Variants in SLC38A6 observed in about 807,000 individuals in gnomAD.
The protein encoded by SLC38A6 is solute carrier family 38 member 6, also known as N system amino acid transporter NAT-1.
A neutral mutation model predicts 65.0 loss-of-function variants in SLC38A6; 73 were observed. That is an observed-to-expected ratio of 1.12 (90% CI 0.93 to 1.37). The LOEUF is 1.37. Among genes scored for constraint, SLC38A6 ranks in the 40% most tolerant of loss-of-function variants. The pLI is 0.00. For synonymous variants in SLC38A6, 183 were observed against 178.8 expected (o/e 1.02, Z -0.19); for missense variants, 561 against 531.1 (o/e 1.06, Z -0.55).
At chr14:60,984,500 TGG>T (rs2037307628) in intron 2 of SLC38A6, among the ~76,000 whole-genome samples, 15 of 151,818 alleles carry the variant, frequency 9.9e-5, no homozygotes, top group African/African-American at 3.6e-4. Flanking sequence ...TAAAAAAGTT[TGG>T]TTTTTATTTT....
intron 3 of SLC38A6, chr14:61,002,261 A>C (rs1166387697): frequency 1.3e-5 from 2 of 152,234 alleles, no homozygotes; most frequent in African/African-American, 4.8e-5. Flanking sequence ...AACACATACT[A>C]AGAAAGATCA....
At chr14:60,981,406 C>T in intron 1 of SLC38A6, 24 bp downstream of exon 1, 1 of 1,566,258 alleles carries the variant, frequency 6.4e-7, no homozygotes. Context: ...GTTCGCTTCC[C>T]CGCGCTGACG....
chr14:61,006,620 A>G (rs1413061823), intron 3 of SLC38A6, among the ~76,000 whole-genome samples: 6 of 152,192 alleles, frequency 3.9e-5, no homozygotes, highest in African/African-American at 7.2e-5. Context: ...CAAAACCACA[A>G]TGAGATACCA....
chr14:60,991,361 T>G (rs1485619664), intron 3 of SLC38A6, among the ~76,000 whole-genome samples: 1 of 152,342 alleles, frequency 6.6e-6, no homozygotes, highest in East Asian at 1.9e-4. Context: ...TTCTAAGGAC[T>G]TTATGAATAT....
chr14:61,002,964 C>A (rs891556195), intron 3 of SLC38A6, among the ~76,000 whole-genome samples: 2 of 152,018 alleles, frequency 1.3e-5, no homozygotes, highest in African/African-American at 4.8e-5. Flanking sequence ...GACATCACCA[C>A]ATCTTATTTT....
chr14:61,034,095 G>A (rs2041181452), intron 6 of SLC38A6: 1 of 152,128 alleles, frequency 6.6e-6, no homozygotes, highest in African/African-American at 2.4e-5. Context: ...CTGTGATTCT[G>A]AGTTACTGCT....
At chr14:61,065,519 C>T (rs1449792530) in intron 15 of SLC38A6, among the ~76,000 whole-genome samples, 1 of 152,194 alleles carries the variant, frequency 6.6e-6, no homozygotes, top group East Asian at 1.9e-4. Flanking sequence ...TATAAAGCAT[C>T]TACCTTTAAG....
chr14:60,982,843 G>C (rs988461707), intron 2 of SLC38A6, among the ~76,000 whole-genome samples: 1 of 152,136 alleles, frequency 6.6e-6, no homozygotes, highest in Admixed American at 6.5e-5. Context: ...AGTGTGACTA[G>C]TTTTTAAAAA....
chr14:60,996,014 G>A (rs2038268139), intron 3 of SLC38A6, among the ~76,000 whole-genome samples: 1 of 152,156 alleles, frequency 6.6e-6, no homozygotes, highest in Non-Finnish European at 1.5e-5. Context: ...ACCCTATAAT[G>A]TAAATTATGG....
At chr14:61,003,143 A>C (rs1026316434) in intron 3 of SLC38A6, among the ~76,000 whole-genome samples, 4 of 152,120 alleles carry the variant, frequency 2.6e-5, no homozygotes, top group Admixed American at 6.5e-5. Context: ...GGAACTGTAC[A>C]AAAATATGGT....
At chr14:61,025,103 C>T (rs1760376067) in intron 5 of SLC38A6, among the ~76,000 whole-genome samples, 1 of 152,168 alleles carries the variant, frequency 6.6e-6, no homozygotes, top group South Asian at 2.1e-4. Flanking sequence ...ACAGAATCCA[C>T]ACACCTTACT....
intron 3 of SLC38A6, among the ~76,000 whole-genome samples, chr14:60,993,008 G>A (rs1251931747): frequency 3.3e-5 from 5 of 151,986 alleles, no homozygotes; most frequent in South Asian, 4.1e-4. Context: ...CACCACATCC[G>A]GCTGATTTTT....
intron 15 of SLC38A6, among the ~76,000 whole-genome samples, chr14:61,067,716 T>G (rs1952396): frequency 1.9e-4 from 28 of 147,346 alleles, no homozygotes; most frequent in African/African-American, 5.9e-4. Context: ...CACACACACA[T>G]ATATATATAT....
chr14:61,046,300 G>T, intron 12 of SLC38A6, 133 bp downstream of exon 12: 1 of 521,322 alleles, frequency 1.9e-6, no homozygotes, highest in Non-Finnish European at 3.4e-6. Context: ...ATGCAGTACT[G>T]TGGTGGCTCT....
At chr14:61,072,692 G>C (rs537417228) in intron 15 of SLC38A6, among the ~76,000 whole-genome samples, 1 of 152,276 alleles carries the variant, frequency 6.6e-6, no homozygotes, top group Non-Finnish European at 1.5e-5. Flanking sequence ...CATCCATGTT[G>C]TTGCAAATGA....
chr14:61,005,725 A>C (rs879561810), intron 3 of SLC38A6, among the ~76,000 whole-genome samples: 72 of 152,372 alleles, frequency 4.7e-4, no homozygotes, highest in Admixed American at 1.5e-3. Context: ...CATGGGTAGG[A>C]AGAATCAATA....
At chr14:60,995,600 A>G (rs562025178) in intron 3 of SLC38A6, among the ~76,000 whole-genome samples, 24 of 152,144 alleles carry the variant, frequency 1.6e-4, no homozygotes, top group Non-Finnish European at 2.8e-4. Context: ...TGCTTTTACC[A>G]CAAGGAAGGA....
At chr14:61,032,595 T>C (rs575824322) in intron 6 of SLC38A6, among the ~76,000 whole-genome samples, 8 of 151,958 alleles carry the variant, frequency 5.3e-5, no homozygotes, top group Non-Finnish European at 1.2e-4. Flanking sequence ...ATCTCTGTTA[T>C]GTTTTAAAAT....
At chr14:61,044,325 T>G (rs983569416) in intron 10 of SLC38A6, among the ~76,000 whole-genome samples, 1 of 152,148 alleles carries the variant, frequency 6.6e-6, no homozygotes, top group Non-Finnish European at 1.5e-5. Context: ...ATGAGAAATA[T>G]CTCTCTGGTC....
Sources: gnomAD v4.1 joint callset for allele counts (sites outside exome capture counted in the v4.1 genomes callset) on GRCh38, gnomAD v4.1.1 for gene constraint, MANE v1.5 for transcripts, NCBI Gene and HGNC (gene_info 2026-07-23, HGNC 2026-07-21) for gene names.